RPA3: variants seen among roughly 807,000 people sequenced by gnomAD.
The protein encoded by RPA3 is replication protein A3.
In RPA3, 24 loss-of-function variants were observed where a neutral mutation model predicts 13.7. That is an observed-to-expected ratio of 1.75 (90% CI 1.27 to 2.46). The LOEUF (loss-of-function observed/expected upper bound fraction) is 2.46, where lower values mean the gene tolerates loss of function less well. RPA3 is among the 30% of genes most tolerant of loss of function. RPA3 has a pLI of 0.00. For missense variants in RPA3, 183 were observed against 151.0 expected, an observed-to-expected ratio of 1.21 and a Z score of -1.11; for synonymous variants, 59 against 51.2, an observed-to-expected ratio of 1.15 and a Z score of -0.65.
chr7:7,711,088 G>T (rs553891136), intron 2 of RPA3, among the ~76,000 whole-genome samples: 1 of 152,266 alleles, frequency 6.6e-6, no homozygotes, highest in South Asian at 2.1e-4. Flanking sequence ...ATAACACTGG[G>T]GATTCTGGTG....
chr7:7,686,410 TG>T (rs1186217375), intron 3 of RPA3, among the ~76,000 whole-genome samples: 1 of 152,212 alleles, frequency 6.6e-6, no homozygotes, highest in Non-Finnish European at 1.5e-5. Flanking sequence ...TTATGGGTTT[TG>T]TTTTTTTGTA....
chr7:7,709,888 C>T (rs1377844938), intron 2 of RPA3, among the ~76,000 whole-genome samples: 1 of 151,990 alleles, frequency 6.6e-6, no homozygotes, highest in Non-Finnish European at 1.5e-5. Context: ...CCTTGAAGTT[C>T]TCTAAGTCTT....
intron 1 of RPA3, among the ~76,000 whole-genome samples, chr7:7,716,839 G>C (rs1780920054): frequency 6.6e-6 from 1 of 152,026 alleles, no homozygotes; most frequent in Non-Finnish European, 1.5e-5. Flanking sequence ...CCAGCTACTC[G>C]GGAGCCTGAG....
rs568712243 is a variant in RPA3 at position 7,696,093 on chromosome 7, C to T, written c.-1027-8765G>A. Among the ~76,000 whole-genome samples, 18 of 149,972 alleles carry T rather than the reference C, an allele frequency of 1.2e-4. No individual in the cohort carries two copies. In the South Asian group the frequency reaches 3.5e-3, roughly 29 times the overall value. On this transcript the variant is annotated intron_variant, in intron 2 of 7. Transcript: ENST00000223129. ...TGATCACAGCTCACTGCAGCCTCTA[C>T]CTCCTGGGTTCAAGCGATCCTCCCA...
chr7:7,665,270 G>C (rs1779413796), intron 4 of RPA3, among the ~76,000 whole-genome samples: 1 of 152,194 alleles, frequency 6.6e-6, no homozygotes, highest in Admixed American at 6.5e-5. Flanking sequence ...CCTCTATTCT[G>C]AACAATAGGA....
chr7:7,674,822 A>G (rs1341931409), intron 4 of RPA3, among the ~76,000 whole-genome samples: 2 of 152,134 alleles, frequency 1.3e-5, no homozygotes, highest in African/African-American at 4.8e-5. Flanking sequence ...AGAAAACTTC[A>G]GGGGTACATC....
At chr7:7,646,928 C>T (rs1785110039) in intron 4 of RPA3, among the ~76,000 whole-genome samples, 1 of 152,164 alleles carries the variant, frequency 6.6e-6, no homozygotes, top group Non-Finnish European at 1.5e-5. Flanking sequence ...GCAAAAACAG[C>T]CTGTTCACAT....
chr7:7,707,354 C>T (rs557070284), intron 2 of RPA3, among the ~76,000 whole-genome samples: 2 of 152,124 alleles, frequency 1.3e-5, no homozygotes, highest in Non-Finnish European at 2.9e-5. Flanking sequence ...AACTACGGTA[C>T]TTTTTGCTTG....
At position 7,715,232 on chromosome 7, in the gene RPA3, A is replaced by T. The variant is rs920617829; in HGVS notation, c.-1079-6T>A. ...CACATCCTTTTTCTGAGTACCTGAG[A>T]CAAAGTGAACTACAAGTAGGATAAG... On this transcript the variant is annotated splice_polypyrimidine_tract_variant and splice_region_variant and intron_variant, in intron 1 of 7. Transcript: ENST00000223129. 9 of 152,206 alleles carry T rather than the reference A, an allele frequency of 5.9e-5. No individual in the cohort carries two copies. Among genetic ancestry groups the T allele is most frequent in the African/African-American group, 2.2e-4 (9 of 41,448 alleles). The allele number at this position is 152,206 out of a possible 1,614,324, so 9.4% of individuals were successfully genotyped here.
At chr7:7,705,447 G>A (rs548836769) in intron 2 of RPA3, among the ~76,000 whole-genome samples, 15 of 152,272 alleles carry the variant, frequency 9.9e-5, no homozygotes, top group Admixed American at 8.5e-4. Flanking sequence ...AATGTAATTG[G>A]TTTGGGTCAC....
intron 4 of RPA3, chr7:7,676,150 T>C: frequency 2.5e-6 from 1 of 398,658 alleles, no homozygotes; most frequent in Admixed American, 4.4e-5. Flanking sequence ...GTGCTGACCC[T>C]GGGTCAGACC....
intron 2 of RPA3, among the ~76,000 whole-genome samples, chr7:7,704,259 G>C (rs1239841930): frequency 4.6e-5 from 7 of 152,010 alleles, no homozygotes. Context: ...GGAAAATATA[G>C]TCATTTTTCA....
intron 4 of RPA3, among the ~76,000 whole-genome samples, chr7:7,672,813 C>A (rs1583718260): frequency 6.6e-6 from 1 of 152,180 alleles, no homozygotes; most frequent in Admixed American, 6.5e-5. Context: ...TGGACTAATA[C>A]AGGTACAGTG....
chr7:7,662,087 C>G (rs961966177), intron 4 of RPA3, among the ~76,000 whole-genome samples: 1 of 152,190 alleles, frequency 6.6e-6, no homozygotes, highest in Non-Finnish European at 1.5e-5. Flanking sequence ...TTGGATCTTT[C>G]CCGGCATCTT....
chr7:7,652,627 G>C (rs1317221864), intron 4 of RPA3, among the ~76,000 whole-genome samples: 1 of 152,194 alleles, frequency 6.6e-6, no homozygotes, highest in Non-Finnish European at 1.5e-5. Context: ...GAAGTAGATT[G>C]GTTAATTCCG....
At chr7:7,710,946 C>A (rs529511482) in intron 2 of RPA3, among the ~76,000 whole-genome samples, 2 of 152,154 alleles carry the variant, frequency 1.3e-5, no homozygotes, top group East Asian at 3.9e-4. Flanking sequence ...CTAAAGGTAA[C>A]GTACTGTATG....
At chr7:7,649,979 T>C (rs1583693008) in intron 4 of RPA3, among the ~76,000 whole-genome samples, 6 of 152,350 alleles carry the variant, frequency 3.9e-5, no homozygotes, top group Middle Eastern at 3.4e-3. Flanking sequence ...TCTTACACTT[T>C]CCAGCCTCTA....
At chr7:7,716,533 G>C (rs937574928) in intron 1 of RPA3, among the ~76,000 whole-genome samples, 1 of 152,220 alleles carries the variant, frequency 6.6e-6, no homozygotes, top group South Asian at 2.1e-4. Flanking sequence ...TTGGAAGCCA[G>C]GTATGTTCAA....
chr7:7,652,758 C>T (rs1785251626), intron 4 of RPA3, among the ~76,000 whole-genome samples: 1 of 152,150 alleles, frequency 6.6e-6, no homozygotes, highest in Admixed American at 6.5e-5. Context: ...AAACAAATGA[C>T]TGAGTGTTAA....
Sources: gnomAD v4.1 joint callset for allele counts (sites outside exome capture counted in the v4.1 genomes callset) on GRCh38, gnomAD v4.1.1 for gene constraint, MANE v1.5 for transcripts, NCBI Gene and HGNC (gene_info 2026-07-23, HGNC 2026-07-21) for gene names.